The following SLC25A21 variants were observed in gnomAD, a reference collection of about 807,000 sequenced individuals.
SLC25A21 encodes solute carrier family 25 member 21.
SLC25A21 carries 47 observed loss-of-function variants against 43.8 expected under a neutral mutation model. The ratio of observed to expected loss-of-function variants is 1.07; its 90% confidence interval spans 0.85 to 1.37. The LOEUF (loss-of-function observed/expected upper bound fraction) is 1.37, where lower values mean the gene tolerates loss of function less well. SLC25A21 is among the 40% of genes most tolerant of loss of function. The probability of loss-of-function intolerance (pLI) is 0.00; values close to 1 mark genes in which losing one functional copy is unlikely to be tolerated. For synonymous variants in SLC25A21, 131 were observed against 121.3 expected (o/e 1.08, Z -0.52); for missense variants, 352 against 350.2 (o/e 1.00, Z -0.04).
chr14:36,821,752 G>A (rs945589065), intron 2 of SLC25A21, among the ~76,000 whole-genome samples: 2 of 152,202 alleles, frequency 1.3e-5, no homozygotes, highest in Admixed American at 6.5e-5. Flanking sequence ...AGGACATGGA[G>A]GTTGCAGCGA....
chr14:37,044,039 C>G (rs1044172568), intron 1 of SLC25A21, among the ~76,000 whole-genome samples: 2 of 151,228 alleles, frequency 1.3e-5, no homozygotes, highest in African/African-American at 2.4e-5. Flanking sequence ...CCGCCTCGGC[C>G]TCTCAAAGTG....
intron 1 of SLC25A21, among the ~76,000 whole-genome samples, chr14:36,907,731 C>T (rs1240078368): frequency 6.6e-6 from 1 of 151,892 alleles, no homozygotes; most frequent in Non-Finnish European, 1.5e-5. Context: ...CCTTAGATGC[C>T]AAAAGAGATA....
intron 6 of SLC25A21, among the ~76,000 whole-genome samples, chr14:36,720,968 G>C (rs1884350942): frequency 1.3e-5 from 2 of 152,226 alleles, no homozygotes; most frequent in South Asian, 4.1e-4. Flanking sequence ...CACTGAGGGA[G>C]AAGACCCTTG....
At chr14:36,821,282 G>A (rs1011647940) in intron 2 of SLC25A21, among the ~76,000 whole-genome samples, 4 of 151,966 alleles carry the variant, frequency 2.6e-5, no homozygotes, top group Admixed American at 1.3e-4. Flanking sequence ...ACTGGGGACT[G>A]TGCCTTTCTC....
At chr14:37,025,960 C>CT (rs2138760759) in intron 1 of SLC25A21, among the ~76,000 whole-genome samples, 1 of 152,214 alleles carries the variant, frequency 6.6e-6, no homozygotes, top group South Asian at 2.1e-4. Context: ...AGCCCTAGAC[C>CT]AGGCATGCAC....
intron 3 of SLC25A21, among the ~76,000 whole-genome samples, chr14:36,796,941 G>A (rs562290344): frequency 4.4e-4 from 67 of 152,218 alleles, no homozygotes; most frequent in African/African-American, 1.4e-3. Flanking sequence ...ACTCCTTAGC[G>A]GCCTTTAACA....
intron 2 of SLC25A21, among the ~76,000 whole-genome samples, chr14:36,831,630 A>AACT (rs1889043326): frequency 1.3e-5 from 2 of 152,232 alleles, no homozygotes; most frequent in Non-Finnish European, 2.9e-5. Context: ...CTGACTGTAC[A>AACT]GTCCCACGTT....
intron 1 of SLC25A21, among the ~76,000 whole-genome samples, chr14:36,896,630 G>C (rs1203388616): frequency 6.6e-6 from 1 of 152,170 alleles, no homozygotes; most frequent in East Asian, 1.9e-4. Context: ...TTTCTTCCTA[G>C]CCTTGATGGT....
At chr14:37,078,049 G>A (rs954804582) in intron 1 of SLC25A21, among the ~76,000 whole-genome samples, 99 of 152,110 alleles carry the variant, frequency 6.5e-4, no homozygotes, top group Non-Finnish European at 5.0e-4. Flanking sequence ...ATAAACTAGA[G>A]ACAGTGGATT....
intron 1 of SLC25A21, among the ~76,000 whole-genome samples, chr14:37,021,254 G>A (rs1356545709): frequency 6.6e-6 from 1 of 151,890 alleles, no homozygotes; most frequent in Non-Finnish European, 1.5e-5. Flanking sequence ...GGAAATCCTA[G>A]GGCCAGAGGG....
intron 1 of SLC25A21, among the ~76,000 whole-genome samples, chr14:37,055,118 A>G (rs976267071): frequency 6.6e-6 from 1 of 152,224 alleles, no homozygotes. Flanking sequence ...TGTTAGGTGT[A>G]TAGGGGGTGT....
chr14:37,047,016 G>C (rs1017666151), intron 1 of SLC25A21, among the ~76,000 whole-genome samples: 1 of 152,136 alleles, frequency 6.6e-6, no homozygotes, highest in South Asian at 2.1e-4. Context: ...AAGCCTCTAA[G>C]CAACTACTTA....
rs1882539472 is a variant in SLC25A21 at position 36,686,278 on chromosome 14, G to C, written c.604-1353C>G. Among the ~76,000 whole-genome samples, 6 of 152,202 alleles carry C rather than the reference G, an allele frequency of 3.9e-5. No homozygotes were observed. In the South Asian group the frequency reaches 1.2e-3, roughly 32 times the overall value. On this transcript the variant is annotated intron_variant, in intron 7 of 9. Coordinates refer to ENST00000331299, the MANE Select transcript of SLC25A21 (RefSeq NM_030631.4). ...GTTTAAAGGGATTTGAAAACCAACA[G>C]GGTGTTTCAACAGGAAAAACAATGC...
intron 2 of SLC25A21, among the ~76,000 whole-genome samples, chr14:36,853,720 G>A (rs1594642052): frequency 6.6e-6 from 1 of 152,178 alleles, no homozygotes; most frequent in African/African-American, 2.4e-5. Context: ...GGTTCTGCTG[G>A]ACCAGCGACA....
intron 1 of SLC25A21, among the ~76,000 whole-genome samples, chr14:36,984,826 G>C (rs1960108302): frequency 6.6e-6 from 1 of 152,004 alleles, no homozygotes; most frequent in African/African-American, 2.4e-5. Flanking sequence ...CCATTACTGG[G>C]TATATGCCCA....
intron 1 of SLC25A21, among the ~76,000 whole-genome samples, chr14:36,963,534 T>A (rs1423829923): frequency 1.3e-5 from 2 of 152,302 alleles, no homozygotes; most frequent in African/African-American, 4.8e-5. Context: ...TCAACCAACC[T>A]ACATGGCCAC....
intron 1 of SLC25A21, among the ~76,000 whole-genome samples, chr14:36,897,312 T>C (rs972291339): frequency 8.5e-5 from 13 of 152,232 alleles, no homozygotes; most frequent in Non-Finnish European, 8.8e-5. Flanking sequence ...CTGATACCCT[T>C]TCTTCCAGTT....
At chr14:37,147,445 T>C (rs576561682) in intron 1 of SLC25A21, among the ~76,000 whole-genome samples, 1 of 152,204 alleles carries the variant, frequency 6.6e-6, no homozygotes, top group East Asian at 1.9e-4. Context: ...TCCTATCTCA[T>C]TGTCAACGAG....
At chr14:36,724,848 A>T (rs1053755914) in intron 6 of SLC25A21, among the ~76,000 whole-genome samples, 2 of 152,152 alleles carry the variant, frequency 1.3e-5, no homozygotes, top group African/African-American at 2.4e-5. Context: ...GTCATTTTTT[A>T]AAAAAATGAC....
Sources: allele counts gnomAD v4.1 joint callset (sites outside exome capture counted in the v4.1 genomes callset), GRCh38; gene constraint gnomAD v4.1.1; transcripts MANE v1.5; gene names NCBI Gene and HGNC (gene_info 2026-07-23, HGNC 2026-07-21).